Variants in RELN observed in about 807,000 individuals in gnomAD.
RELN encodes the protein reelin.
A neutral mutation model predicts 427.6 loss-of-function variants in RELN; 108 were observed. That is an observed-to-expected ratio of 0.25 (90% CI 0.22 to 0.30). RELN has a LOEUF of 0.30. RELN is among the 10% of genes least tolerant of loss of function. The pLI is 1.00. For synonymous variants in RELN, 1,524 were observed against 1,513.4 expected, an observed-to-expected ratio of 1.01 and a Z score of -0.16; for missense variants, 3,715 against 4,302.8, an observed-to-expected ratio of 0.86 and a Z score of 3.82.
At chr7:103,945,073 G>A (rs1796192798) in intron 1 of RELN, among the ~76,000 whole-genome samples, 1 of 152,138 alleles carries the variant, frequency 6.6e-6, no homozygotes, top group African/African-American at 2.4e-5. Flanking sequence ...ACAATTACAA[G>A]ATGAATTGTG....
rs568182824 is a variant in RELN at position 103,745,386 on chromosome 7, A to C, written c.656+4040T>G. Among the ~76,000 whole-genome samples, 16 of 151,848 alleles carry C rather than the reference A, an allele frequency of 1.1e-4. No homozygotes were observed. The East Asian group carries it at 2.9e-3, about 27-fold the overall frequency. On this transcript the variant is annotated intron_variant, in intron 6 of 64. Coordinates refer to ENST00000428762, the MANE Select transcript of RELN (RefSeq NM_005045.4). ...AGGGAAGCCCTCTCTCACCACTCCT[A>C]TTCAACATGGTGTTGGAAGTTCTGG...
chr7:103,697,156 C>T (rs1473397126), intron 10 of RELN, among the ~76,000 whole-genome samples: 1 of 152,102 alleles, frequency 6.6e-6, no homozygotes, highest in Non-Finnish European at 1.5e-5. Context: ...GTAAGGGCCA[C>T]TTTCTGGTTC....
At chr7:103,760,343 C>A (rs968217005) in intron 4 of RELN, among the ~76,000 whole-genome samples, 1 of 151,894 alleles carries the variant, frequency 6.6e-6, no homozygotes, top group Admixed American at 6.6e-5. Context: ...ATCACAGCAG[C>A]CTGAAGTAGG....
At chr7:103,685,057 C>T (rs1833736037) in intron 10 of RELN, among the ~76,000 whole-genome samples, 1 of 152,050 alleles carries the variant, frequency 6.6e-6, no homozygotes, top group Non-Finnish European at 1.5e-5. Flanking sequence ...CTTTAAAAGC[C>T]CTCCTCCAAA....
At chr7:103,911,650 T>C (rs1228425385) in intron 2 of RELN, among the ~76,000 whole-genome samples, 3 of 149,614 alleles carry the variant, frequency 2.0e-5, no homozygotes, top group Admixed American at 1.3e-4. Flanking sequence ...GTGGCACATA[T>C]ACACCATGGA....
intron 3 of RELN, among the ~76,000 whole-genome samples, chr7:103,831,464 G>A (rs1245883640): frequency 6.6e-6 from 1 of 152,066 alleles, no homozygotes; most frequent in East Asian, 1.9e-4. Flanking sequence ...ATTCAAATAA[G>A]TATATAGTAA....
intron 11 of RELN, among the ~76,000 whole-genome samples, chr7:103,667,508 G>C (rs779152991): frequency 1.3e-5 from 2 of 151,962 alleles, no homozygotes; most frequent in East Asian, 3.9e-4. Context: ...ATTATCCTAA[G>C]GCATGAAGAT....
chr7:103,579,060 T>C (rs118023120), intron 28 of RELN, among the ~76,000 whole-genome samples: 224 of 152,328 alleles, frequency 1.5e-3, no homozygotes, highest in Non-Finnish European at 2.6e-3. Flanking sequence ...GTGCTAACGC[T>C]AGTAATACCA....
At chr7:103,785,988 G>T (rs974111127) in intron 3 of RELN, among the ~76,000 whole-genome samples, 6 of 151,828 alleles carry the variant, frequency 4.0e-5, no homozygotes, top group African/African-American at 1.5e-4. Flanking sequence ...TCCAATAAGG[G>T]ATATGATTTC....
Position 103,936,241 on chromosome 7 carries a change from C to T in RELN, c.227-19056G>A, listed in dbSNP as rs138637887. Among the ~76,000 whole-genome samples the T allele has an allele frequency of 4.3e-3, 657 of 152,082 alleles. 3 individuals carry two copies. The highest frequency in any genetic ancestry group is 7.5e-3 in the Non-Finnish European group (510 of 67,976). ...CCAAGTAGCTGGGATAATAGGTGTGCGCCACCATGCCCAGCTAATTAATGT... is the reference window on the plus strand; with the variant it reads ...CCAAGTAGCTGGGATAATAGGTGTGTGCCACCATGCCCAGCTAATTAATGT... On this transcript the variant is annotated intron_variant, in intron 1 of 64. Transcript: ENST00000428762.
intron 49 of RELN, among the ~76,000 whole-genome samples, chr7:103,516,937 T>C (rs186342089): frequency 5.3e-4 from 81 of 152,308 alleles, no homozygotes; most frequent in Admixed American, 4.0e-3. Flanking sequence ...GCTGGATTTA[T>C]ACAACTTGAA....
chr7:103,630,023 A>G lies in RELN; in HGVS notation c.2619T>C (p.Phe873=), dbSNP rs745918934. The G allele has an allele frequency of 3.7e-5, 59 of 1,613,956 alleles. No individual in the cohort carries two copies. Among genetic ancestry groups the G allele is most frequent in the Non-Finnish European group, 4.8e-5 (57 of 1,179,850 alleles). The part of the protein sequence containing the change: ...SVLFNSISLD[F]TNLVEVTQSL... ...ACTGAGTGACCTCCACAAGATTGGT[A>G]AAGTCAAGACTAATGCTGTTGAAAA... Residue 873 remains phenylalanine, a synonymous_variant, in exon 20 of 65, where the codon TTT becomes TTC. Transcript: ENST00000428762.
chr7:103,504,703 T>C (rs1340532627), intron 51 of RELN, among the ~76,000 whole-genome samples: 1 of 152,192 alleles, frequency 6.6e-6, no homozygotes, highest in African/African-American at 2.4e-5. Context: ...GGAGGAACAG[T>C]GCAATCTGGC....
chr7:103,846,909 A>C (rs1793692801), intron 2 of RELN, among the ~76,000 whole-genome samples: 1 of 152,186 alleles, frequency 6.6e-6, no homozygotes, highest in Non-Finnish European at 1.5e-5. Context: ...ATCATTAAAG[A>C]AGCAGGAAAC....
At chr7:103,904,490 T>C (rs1191337455) in intron 2 of RELN, among the ~76,000 whole-genome samples, 1 of 152,174 alleles carries the variant, frequency 6.6e-6, no homozygotes, top group Non-Finnish European at 1.5e-5. Flanking sequence ...AAAGCATTCC[T>C]ATTTCTCCAC....
intron 1 of RELN, among the ~76,000 whole-genome samples, chr7:103,920,614 C>T (rs1303894368): frequency 7.6e-6 from 1 of 130,804 alleles, no homozygotes; most frequent in African/African-American, 2.9e-5. Context: ...CGCTCTCTTA[C>T]CCAGGCTGGA....
chr7:103,728,169 C>CCACACTGTTCTCCAGTCTCA lies in RELN; in HGVS notation c.675_694dup (p.Gly232ValfsTer27). On this transcript the variant is annotated frameshift_variant, in exon 7 of 65. Coordinates refer to ENST00000428762, the MANE Select transcript of RELN (RefSeq NM_005045.4). LOFTEE classifies it high-confidence loss of function. ...GACGGCATTGCCATGCATAATCGCG[C>CCACACTGTTCTCCAGTCTCA]CACACTGTTCTCCAGTCTCACAGTT... The CCACACTGTTCTCCAGTCTCA allele has an allele frequency of 6.2e-7, 1 of 1,613,832 alleles. No individual in the cohort carries two copies. The highest frequency in any genetic ancestry group is 8.5e-7 in the Non-Finnish European group (1 of 1,179,884).
At chr7:103,811,024 T>G (rs1024837516) in intron 3 of RELN, among the ~76,000 whole-genome samples, 4 of 152,248 alleles carry the variant, frequency 2.6e-5, no homozygotes, top group African/African-American at 9.6e-5. Flanking sequence ...TGTTAAGGTT[T>G]AAAATAAAAA....
rs1562879189 is a variant in RELN at position 103,539,244 on chromosome 7, G to C, written c.7014C>G (p.His2338Gln). Residue 2338 changes from histidine to glutamine, a missense_variant, in exon 45 of 65, where the codon CAC becomes CAG. By Grantham distance (24) the His-to-Gln change is conservative. Coordinates refer to ENST00000428762, the MANE Select transcript of RELN (RefSeq NM_005045.4). ...ACACGGGCATCTTGGTGCCTCCTGG[G>C]TGAAGCAGCCATTTCCTACTATCAA... ...TTLDSRKWLLHPGGTKMPVCG... is the reference protein window; with the variant it reads ...TTLDSRKWLLQPGGTKMPVCG... The C allele has an allele frequency of 9.9e-6, 16 of 1,614,108 alleles. No homozygotes were observed. Among genetic ancestry groups the C allele is most frequent in the Non-Finnish European group, 1.1e-5 (13 of 1,180,054 alleles).
Sources: allele counts gnomAD v4.1 joint callset (sites outside exome capture counted in the v4.1 genomes callset), GRCh38; gene constraint gnomAD v4.1.1; transcripts MANE v1.5; gene names NCBI Gene and HGNC (gene_info 2026-07-23, HGNC 2026-07-21).